Variants in SHTN1 observed in about 807,000 individuals in gnomAD.
SHTN1 encodes the protein shootin-1.
SHTN1 carries 42 observed loss-of-function variants against 83.1 expected under a neutral mutation model. That is an observed-to-expected ratio of 0.51 (90% CI 0.39 to 0.65). SHTN1 has a LOEUF of 0.65. SHTN1 is among the 30% of genes least tolerant of loss of function. The probability of loss-of-function intolerance (pLI) is 0.00; values close to 1 mark genes in which losing one functional copy is unlikely to be tolerated. For missense variants in SHTN1, 622 were observed against 737.8 expected (o/e 0.84, Z 1.82); for synonymous variants, 224 against 247.7 (o/e 0.90, Z 0.90).
intron 1 of SHTN1, among the ~76,000 whole-genome samples, chr10:117,090,287 TCAG>T (rs1853410473): frequency 6.6e-6 from 1 of 152,152 alleles, no homozygotes; most frequent in African/African-American, 2.4e-5. Context: ...GGACACTAAG[TCAG>T]TTTAAATAAG....
rs575263703 is a variant in SHTN1 at position 116,954,082 on chromosome 10, G to A, written c.396C>T (p.Ala132=). Residue 132 remains alanine (A), a synonymous_variant, in exon 5 of 17, where the codon GCC becomes GCT. Coordinates refer to ENST00000355371, the MANE Select transcript of SHTN1 (RefSeq NM_001127211.3). ...GACACTGTACTGAGACACAAGTCTC[G>A]GCGGCACCGTCTGTGTCTGTAGTCG... ...EDSTTDTDGA[A]ETCVSVQCQK... 71 of 1,613,288 alleles carry A rather than the reference G, an allele frequency of 4.4e-5. No individual in the cohort carries two copies. Among genetic ancestry groups the A allele is most frequent in the East Asian group, 3.8e-4 (17 of 44,860 alleles).
At chr10:117,007,854 TA>T (rs989399742), upstream of SHTN1, among the ~76,000 whole-genome samples, 6 of 151,430 alleles carry the variant, frequency 4.0e-5, 1 homozygote, top group African/African-American at 1.5e-4. Context: ...CTACTAAAAA[TA>T]AAAAAAGCTG....
At chr10:117,020,199 T>G (rs1019673718) in intron 2 of SHTN1, among the ~76,000 whole-genome samples, 1 of 151,516 alleles carries the variant, frequency 6.6e-6, no homozygotes, top group East Asian at 1.9e-4. Context: ...AATAGAAAAA[T>G]AGAGAGAAGT....
At chr10:116,977,168 G>A (rs1463581553) in intron 2 of SHTN1, among the ~76,000 whole-genome samples, 20 of 152,010 alleles carry the variant, frequency 1.3e-4, no homozygotes, top group Admixed American at 1.2e-3. Context: ...GTATTTTTAG[G>A]GCACTGCTAG....
chr10:116,904,341 C>T (rs1847874633), intron 15 of SHTN1, among the ~76,000 whole-genome samples: 1 of 152,130 alleles, frequency 6.6e-6, no homozygotes. Context: ...ATGGTAAAAG[C>T]CACCTCTAGT....
At chr10:117,121,578 C>T (rs1421663910) in intron 1 of SHTN1, among the ~76,000 whole-genome samples, 1 of 144,286 alleles carries the variant, frequency 6.9e-6, no homozygotes, top group East Asian at 2.0e-4. Flanking sequence ...GACTCTGACT[C>T]AAAAAAAAAA....
chr10:117,119,746 T>C (rs1853896834), intron 1 of SHTN1, among the ~76,000 whole-genome samples: 1 of 152,134 alleles, frequency 6.6e-6, no homozygotes. Flanking sequence ...TGCAGCACTG[T>C]TCACAATAGC....
chr10:116,887,601 C>T (rs1847206257), intron 16 of SHTN1, among the ~76,000 whole-genome samples: 1 of 152,192 alleles, frequency 6.6e-6, no homozygotes, highest in African/African-American at 2.4e-5. Flanking sequence ...CTACTATTCT[C>T]TGACCCCTTC....
In SHTN1 at chr10:116,974,665, G is replaced by C. The variant is rs145916075; in HGVS notation, c.111+4591C>G. ...TAAACATTTATGCATTTCAAAACTT[G>C]ATCTCAGAACATAATACTAAACATA... On this transcript the variant is annotated intron_variant, in intron 2 of 16. Coordinates refer to ENST00000355371, the MANE Select transcript of SHTN1 (RefSeq NM_001127211.3). Among the ~76,000 whole-genome samples the C allele has an allele frequency of 7.7e-3, 1,179 of 152,232 alleles. 4 individuals carry two copies. Among genetic ancestry groups the C allele is most frequent in the Middle Eastern group, 0.02 (6 of 294 alleles).
At chr10:116,940,794 C>A (rs190530220) in intron 8 of SHTN1, among the ~76,000 whole-genome samples, 182 bp from the exon 9 acceptor site, 2 of 152,084 alleles carry the variant, frequency 1.3e-5, no homozygotes, top group Non-Finnish European at 2.9e-5. Context: ...ATCTTTAATA[C>A]CTTTACTCCT....
At chr10:117,085,609 T>C (rs1450126862) in intron 1 of SHTN1, among the ~76,000 whole-genome samples, 44 of 152,236 alleles carry the variant, frequency 2.9e-4, no homozygotes, top group Non-Finnish European at 1.5e-5. Flanking sequence ...CGTTGAAGTA[T>C]TCTATAAATG....
At chr10:117,040,236 TAAG>T (rs368146084) in intron 2 of SHTN1, among the ~76,000 whole-genome samples, 29 of 152,260 alleles carry the variant, frequency 1.9e-4, no homozygotes, top group Middle Eastern at 6.8e-3. Context: ...AGACAATCTT[TAAG>T]AAGAAGAATG....
At chr10:116,983,687 A>G (rs4993926) in intron 1 of SHTN1, among the ~76,000 whole-genome samples, 3,404 of 59,930 alleles carry the variant, frequency 0.057, 58 homozygotes, top group Middle Eastern at 0.075. Flanking sequence ...TAGATAGATA[A>G]ATACATACAT....
At chr10:117,069,615 T>C (rs1853052419) in intron 1 of SHTN1, among the ~76,000 whole-genome samples, 2 of 152,208 alleles carry the variant, frequency 1.3e-5, no homozygotes, top group Non-Finnish European at 2.9e-5. Flanking sequence ...AGTGTTACAT[T>C]ACTATTATTA....
chr10:117,096,298 C>T (rs1190034049), intron 1 of SHTN1, among the ~76,000 whole-genome samples: 3 of 152,074 alleles, frequency 2.0e-5, no homozygotes, highest in Non-Finnish European at 4.4e-5. Flanking sequence ...TTTATTTTGC[C>T]CCAAACAAAG....
intron 2 of SHTN1, among the ~76,000 whole-genome samples, chr10:116,973,234 A>G (rs559632498): frequency 6.6e-6 from 1 of 152,318 alleles, no homozygotes; most frequent in East Asian, 1.9e-4. Context: ...TATGCAAGAA[A>G]AACCTCAACA....
At chr10:117,096,924 GAAC>G (rs1221657036) in intron 1 of SHTN1, among the ~76,000 whole-genome samples, 3 of 152,110 alleles carry the variant, frequency 2.0e-5, no homozygotes, top group Non-Finnish European at 2.9e-5. Context: ...TAAAAAAGAG[GAAC>G]ATCATCATGG....
At position 117,088,800 on chromosome 10, in the gene SHTN1, T is replaced by C. The variant is rs149110493; in HGVS notation, c.-189+37507A>G. Among the ~76,000 whole-genome samples, 592 of 152,314 alleles carry C rather than the reference T, an allele frequency of 3.9e-3. 4 individuals carry two copies. The highest frequency in any genetic ancestry group is 0.013 in the African/African-American group (559 of 41,570). On this transcript the variant is annotated intron_variant, in intron 1 of 17. Transcript: ENST00000392901. Reference sequence around the variant, plus strand: ...AAATTCACTCTGGTACTAACTTGCCTTAGGTCTGCCACTAAAACATAGATG... The same window carrying C: ...AAATTCACTCTGGTACTAACTTGCCCTAGGTCTGCCACTAAAACATAGATG...
At chr10:117,042,835 C>T (rs762282489) in intron 2 of SHTN1, among the ~76,000 whole-genome samples, 4 of 151,950 alleles carry the variant, frequency 2.6e-5, no homozygotes, top group African/African-American at 4.8e-5. Flanking sequence ...AGGCTGGTCA[C>T]GAACTCCTGA....
Sources: allele counts gnomAD v4.1 joint callset (sites outside exome capture counted in the v4.1 genomes callset), GRCh38; gene constraint gnomAD v4.1.1; transcripts MANE v1.5; gene names NCBI Gene and HGNC (gene_info 2026-07-23, HGNC 2026-07-21).